Variants in FCHSD2 observed in about 807,000 individuals in gnomAD.
FCHSD2 encodes FCH and double SH3 domains 2.
Under a neutral mutation model 108.1 loss-of-function variants are expected in FCHSD2, and 38 were observed. That is an observed-to-expected ratio of 0.35 (90% CI 0.27 to 0.46). The LOEUF is 0.46. Ranked by LOEUF, FCHSD2 falls within the 20% of genes least tolerant of loss-of-function variation. The pLI, the probability that FCHSD2 is intolerant of heterozygous loss-of-function variation, is 1.00. For synonymous variants in FCHSD2, 279 were observed against 314.7 expected (o/e 0.89, Z 1.20); for missense variants, 751 against 897.8 (o/e 0.84, Z 2.09).
chr11:73,122,699 A>T (rs1860763427), intron 2 of FCHSD2, among the ~76,000 whole-genome samples: 1 of 152,238 alleles, frequency 6.6e-6, no homozygotes. Context: ...TATATTACTC[A>T]GATGCCTTGG....
At chr11:72,993,961 G>A (rs148570856) in intron 5 of FCHSD2, among the ~76,000 whole-genome samples, 94 of 152,270 alleles carry the variant, frequency 6.2e-4, no homozygotes, top group African/African-American at 2.2e-3. Flanking sequence ...TTGGGCTTCT[G>A]TGAGTACGGT....
intron 3 of FCHSD2, among the ~76,000 whole-genome samples, chr11:73,031,350 C>T (rs576861824): frequency 6.6e-6 from 1 of 151,886 alleles, no homozygotes; most frequent in African/African-American, 2.4e-5. Flanking sequence ...GTGGTGTGTG[C>T]CTGTAGTCCC....
chr11:73,003,783 C>T (rs925800306), intron 4 of FCHSD2, among the ~76,000 whole-genome samples: 1 of 151,334 alleles, frequency 6.6e-6, no homozygotes, highest in Non-Finnish European at 1.5e-5. Flanking sequence ...TTTTATTTCA[C>T]CAGGTTTCAT....
chr11:73,018,059 T>C (rs997094031), intron 3 of FCHSD2, among the ~76,000 whole-genome samples: 6 of 152,194 alleles, frequency 3.9e-5, no homozygotes, highest in Admixed American at 3.9e-4. Context: ...TAAAGTAACA[T>C]TATGAACTCA....
chr11:73,093,921 A>G (rs536872746), intron 2 of FCHSD2, among the ~76,000 whole-genome samples: 1 of 151,576 alleles, frequency 6.6e-6, no homozygotes, highest in South Asian at 2.1e-4. Flanking sequence ...TGTTAAGAAT[A>G]AAGATAGGAC....
At chr11:72,885,672 C>T (rs1855182282) in intron 12 of FCHSD2, among the ~76,000 whole-genome samples, 1 of 152,086 alleles carries the variant, frequency 6.6e-6, no homozygotes, top group Admixed American at 6.6e-5. Context: ...TACTCCTGTT[C>T]CACCAAGGCT....
intron 13 of FCHSD2, among the ~76,000 whole-genome samples, chr11:72,852,767 G>A (rs917704073): frequency 6.6e-6 from 1 of 152,000 alleles, no homozygotes; most frequent in African/African-American, 2.4e-5. Flanking sequence ...ATGACAAGTT[G>A]AATAAAGAAA....
chr11:72,840,870 G>T lies in FCHSD2; in HGVS notation c.2139+7C>A. 6.3e-7 allele frequency: 1 copy of T among 1,585,986 alleles called. No individual in the cohort carries two copies. Among genetic ancestry groups the T allele is most frequent in the South Asian group, 1.1e-5 (1 of 90,476 alleles). ...CATTCGATAATCCTGCAAGATCAGAGACTTACAGGTCGCAGTTTGCCATAT... is the reference window on the plus strand; with the variant it reads ...CATTCGATAATCCTGCAAGATCAGATACTTACAGGTCGCAGTTTGCCATAT... On this transcript the variant is annotated splice_region_variant and intron_variant, in intron 19 of 19. Coordinates refer to ENST00000409418, the MANE Select transcript of FCHSD2 (RefSeq NM_014824.3).
In FCHSD2 at chr11:72,878,682, T is replaced by C. The variant is rs574482312; in HGVS notation, c.1146+8788A>G. 4.6e-5 allele frequency among the ~76,000 whole-genome samples: 7 copies of C among 152,324 alleles called. No individual in the cohort carries two copies. In the South Asian group the frequency reaches 1.4e-3, roughly 32 times the overall value. ...CAACTGGAATTGATAATATACTAAA[T>C]AGATAAAAATCTATAATAAGTTGAA... On this transcript the variant is annotated intron_variant, in intron 12 of 19. Transcript: ENST00000409418.
At chr11:73,014,884 C>T (rs1452417975) in intron 4 of FCHSD2, among the ~76,000 whole-genome samples, 1 of 151,972 alleles carries the variant, frequency 6.6e-6, no homozygotes, top group East Asian at 1.9e-4. Context: ...CACTCTGTCG[C>T]CCAGGCTGGA....
At chr11:72,948,917 G>A (rs1033523474) in intron 8 of FCHSD2, among the ~76,000 whole-genome samples, 9 of 151,430 alleles carry the variant, frequency 5.9e-5, no homozygotes, top group Admixed American at 4.6e-4. Flanking sequence ...TGCCCACCTC[G>A]GCCTCCCAAA....
chr11:72,992,288 C>T (rs1026868854), intron 5 of FCHSD2, among the ~76,000 whole-genome samples: 2 of 152,160 alleles, frequency 1.3e-5, no homozygotes, highest in Non-Finnish European at 2.9e-5. Flanking sequence ...GAAGAACATT[C>T]CATGCTCATG....
intron 8 of FCHSD2, among the ~76,000 whole-genome samples, chr11:72,947,668 T>C (rs1321869398): frequency 6.6e-6 from 1 of 152,082 alleles, no homozygotes; most frequent in Admixed American, 6.5e-5. Context: ...ACTTTAAATC[T>C]CCCAAAAGTT....
chr11:73,113,803 C>T (rs760957701), intron 2 of FCHSD2, among the ~76,000 whole-genome samples: 2 of 152,158 alleles, frequency 1.3e-5, no homozygotes, highest in Non-Finnish European at 2.9e-5. Context: ...CATTAGGGGG[C>T]ACCCCAAGCC....
intron 3 of FCHSD2, among the ~76,000 whole-genome samples, chr11:73,070,174 T>C (rs1859399050): frequency 6.6e-6 from 1 of 152,246 alleles, no homozygotes; most frequent in Non-Finnish European, 1.5e-5. Flanking sequence ...TAATGGTCTA[T>C]TAATGACATG....
At chr11:73,071,390 C>T (rs926169347) in intron 3 of FCHSD2, among the ~76,000 whole-genome samples, 13 of 152,060 alleles carry the variant, frequency 8.5e-5, no homozygotes, top group African/African-American at 3.1e-4. Flanking sequence ...CTGCCAATGT[C>T]TCTCTTAAAA....
At chr11:73,048,178 T>A (rs1457977293) in intron 3 of FCHSD2, among the ~76,000 whole-genome samples, 1 of 152,170 alleles carries the variant, frequency 6.6e-6, no homozygotes, top group African/African-American at 2.4e-5. Flanking sequence ...CCCAAAGCAT[T>A]TGAGGCATAG....
In FCHSD2 at chr11:72,843,387, A is replaced by G. The variant is rs183174428; in HGVS notation, c.1528-59T>C. The G allele has an allele frequency of 1.2e-5, 19 of 1,609,986 alleles. No homozygotes were observed. The East Asian group carries it at 4.2e-4, about 36-fold the overall frequency. ...ACACACAATTTAGACAGGGCACAAC[A>G]AAGACCAAAACAAACTCCTAAAAAT... On this transcript the variant is annotated intron_variant, in intron 15 of 19. Transcript: ENST00000409418.
chr11:72,935,886 T>C (rs1565330545), intron 8 of FCHSD2, among the ~76,000 whole-genome samples: 1 of 152,220 alleles, frequency 6.6e-6, no homozygotes, highest in East Asian at 1.9e-4. Flanking sequence ...TCTATAAAGC[T>C]TGTGTTATCC....
Sources: gnomAD v4.1 joint callset for allele counts (sites outside exome capture counted in the v4.1 genomes callset) on GRCh38, gnomAD v4.1.1 for gene constraint, MANE v1.5 for transcripts, NCBI Gene and HGNC (gene_info 2026-07-23, HGNC 2026-07-21) for gene names.